KCNG3: variants seen among roughly 807,000 people sequenced by gnomAD.
The protein encoded by KCNG3 is voltage-gated potassium channel regulatory subunit KCNG3.
In KCNG3, 15 loss-of-function variants were observed where a neutral mutation model predicts 29.0. The ratio of observed to expected loss-of-function variants is 0.52; its 90% CI spans 0.35 to 0.80. The LOEUF (loss-of-function observed/expected upper bound fraction) is 0.80. Among genes scored for constraint, KCNG3 ranks in the 30% least tolerant of loss-of-function variants. The pLI is 0.01. For synonymous variants in KCNG3, 322 were observed against 248.9 expected, an observed-to-expected ratio of 1.29 and a Z score of -2.76; for missense variants, 512 against 605.7, an observed-to-expected ratio of 0.85 and a Z score of 1.62.
At chr2:42,448,856 T>C (rs1010928165) in intron 1 of KCNG3, among the ~76,000 whole-genome samples, 3 of 152,010 alleles carry the variant, frequency 2.0e-5, no homozygotes, top group African/African-American at 7.2e-5. Context: ...CGGGTGCCTG[T>C]AGTCCCAGCT....
chr2:42,418,126 A>G, the KCNG3 span, among the ~76,000 whole-genome samples: 7 of 152,140 alleles, frequency 4.6e-5, no homozygotes, highest in Non-Finnish European at 8.8e-5. Context: ...ATCTATTTCC[A>G]TAACTCTTTA....
chr2:42,466,831 C>A (rs1253840278), intron 1 of KCNG3, among the ~76,000 whole-genome samples: 2 of 149,890 alleles, frequency 1.3e-5, no homozygotes, highest in African/African-American at 4.9e-5. Context: ...CGGCTCACTG[C>A]AACCTCTGCC....
chr2:42,421,652 G>A, the KCNG3 span, among the ~76,000 whole-genome samples: 1 of 152,012 alleles, frequency 6.6e-6, no homozygotes, highest in Non-Finnish European at 1.5e-5. Flanking sequence ...GCCAGCTGTG[G>A]GCCCCATACC....
chr2:42,425,101 C>T, the KCNG3 span: 1 of 152,188 alleles, frequency 6.6e-6, no homozygotes, highest in Non-Finnish European at 1.5e-5. Context: ...CGGGGCCACA[C>T]AAGGTGCTTC....
the KCNG3 span, among the ~76,000 whole-genome samples, chr2:42,399,978 C>T: frequency 6.6e-6 from 1 of 152,210 alleles, no homozygotes; most frequent in African/African-American, 2.4e-5. Context: ...AGGCTGGGTG[C>T]AGTGTCTGTG....
At chr2:42,434,545 C>G in the KCNG3 span, among the ~76,000 whole-genome samples, 3 of 145,520 alleles carry the variant, frequency 2.1e-5, no homozygotes, top group Admixed American at 6.8e-5. Context: ...TACAAGGGAC[C>G]CAGAATAGCC....
At chr2:42,426,269 C>T in the KCNG3 span, among the ~76,000 whole-genome samples, 1 of 152,168 alleles carries the variant, frequency 6.6e-6, no homozygotes, top group Non-Finnish European at 1.5e-5. Flanking sequence ...AAATGTCACA[C>T]AAATTGAGCT....
the KCNG3 span, among the ~76,000 whole-genome samples, chr2:42,399,016 T>C: frequency 6.6e-6 from 1 of 151,984 alleles, no homozygotes; most frequent in Non-Finnish European, 1.5e-5. Flanking sequence ...CGTTTTTTAA[T>C]ATTGGGTTGT....
intron 1 of KCNG3, among the ~76,000 whole-genome samples, chr2:42,489,370 C>T (rs982036174): frequency 7.9e-5 from 12 of 152,078 alleles, no homozygotes; most frequent in African/African-American, 2.9e-4. Context: ...GCCTGGGTGA[C>T]AGAGTGAGAT....
At chr2:42,440,345 C>T (rs941535024), downstream of KCNG3, 1 of 152,164 alleles carries the variant, frequency 6.6e-6, no homozygotes, top group Non-Finnish European at 1.5e-5. Flanking sequence ...AATAGTAATA[C>T]AGAGCTAGGA....
At chr2:42,451,568 T>C (rs1672755171) in intron 1 of KCNG3, among the ~76,000 whole-genome samples, 1 of 151,610 alleles carries the variant, frequency 6.6e-6, no homozygotes, top group African/African-American at 2.4e-5. Context: ...CTACTAAAAA[T>C]ACGAAAATTA....
At chr2:42,448,987 A>G (rs547417479) in intron 1 of KCNG3, among the ~76,000 whole-genome samples, 1 of 152,232 alleles carries the variant, frequency 6.6e-6, no homozygotes, top group East Asian at 1.9e-4. Flanking sequence ...CAAAAAAAAA[A>G]ACAAAACAAA....
chr2:42,464,232 C>G (rs1248633965), intron 1 of KCNG3, among the ~76,000 whole-genome samples: 1 of 152,198 alleles, frequency 6.6e-6, no homozygotes, highest in African/African-American at 2.4e-5. Context: ...AATGATACTT[C>G]TACGCACACA....
the KCNG3 span, chr2:42,425,123 A>T: frequency 6.6e-6 from 1 of 151,948 alleles, no homozygotes; most frequent in Admixed American, 6.6e-5. Context: ...GGCAGGGTGG[A>T]AGCACCACCG....
At chr2:42,417,394 T>C in the KCNG3 span, among the ~76,000 whole-genome samples, 8 of 152,226 alleles carry the variant, frequency 5.3e-5, no homozygotes, top group Non-Finnish European at 8.8e-5. Context: ...AATTATGGCT[T>C]ACTGGGGCCT....
chr2:42,415,184 GC>G, the KCNG3 span, among the ~76,000 whole-genome samples: 1 of 152,136 alleles, frequency 6.6e-6, no homozygotes, highest in Non-Finnish European at 1.5e-5. Flanking sequence ...TCTGAGCTGG[GC>G]CCCACATTAG....
At chr2:42,483,860 C>T (rs973055321) in intron 1 of KCNG3, among the ~76,000 whole-genome samples, 3 of 152,162 alleles carry the variant, frequency 2.0e-5, no homozygotes, top group Non-Finnish European at 2.9e-5. Flanking sequence ...GCCACAATCA[C>T]GGCTCATTGC....
chr2:42,404,549 C>A, the KCNG3 span, among the ~76,000 whole-genome samples: 1 of 151,818 alleles, frequency 6.6e-6, no homozygotes, highest in Admixed American at 6.6e-5. Context: ...GGCAACATGG[C>A]GAAACCCCAT....
chr2:42,460,636 G>A (rs1464303356), intron 1 of KCNG3, among the ~76,000 whole-genome samples: 2 of 152,146 alleles, frequency 1.3e-5, no homozygotes, highest in Non-Finnish European at 2.9e-5. Context: ...AACAAAATCA[G>A]GAAAGTGCCA....
Sources: gnomAD v4.1 joint callset for allele counts (sites outside exome capture counted in the v4.1 genomes callset) on GRCh38, gnomAD v4.1.1 for gene constraint, MANE v1.5 for transcripts, NCBI Gene and HGNC (gene_info 2026-07-23, HGNC 2026-07-21) for gene names.